ARID5A: variants seen among roughly 807,000 people sequenced by gnomAD.
ARID5A encodes the protein AT-rich interaction domain 5A, also known as AT-rich interactive domain-containing protein 5A.
A neutral mutation model predicts 30.5 loss-of-function variants in ARID5A; 14 were observed. The ratio of observed to expected loss-of-function variants is 0.46; its 90% CI spans 0.30 to 0.72. The LOEUF is 0.72. Among genes scored for constraint, ARID5A ranks in the 30% least tolerant of loss-of-function variants. ARID5A has a pLI of 0.07. For synonymous variants in ARID5A, 338 were observed against 340.4 expected, an observed-to-expected ratio of 0.99 and a Z score of 0.08; for missense variants, 669 against 786.2, an observed-to-expected ratio of 0.85 and a Z score of 1.78.
intron 1 of ARID5A, among the ~76,000 whole-genome samples, chr2:96,545,353 C>T (rs557156951): frequency 1.1e-4 from 16 of 151,832 alleles, no homozygotes; most frequent in African/African-American, 2.7e-4. Context: ...GACAGGGTTT[C>T]GCCACGTTGG....
At chr2:96,541,512 G>T (rs1019912068) in intron 1 of ARID5A, among the ~76,000 whole-genome samples, 29 of 152,198 alleles carry the variant, frequency 1.9e-4, no homozygotes, top group Admixed American at 1.6e-3. Context: ...TCCCAGATGT[G>T]TTCCTTATAA....
intron 1 of ARID5A, among the ~76,000 whole-genome samples, chr2:96,544,973 C>CT (rs2065901684): frequency 6.6e-6 from 1 of 152,122 alleles, no homozygotes; most frequent in East Asian, 1.9e-4. Context: ...GGAGAAGACA[C>CT]TGCAGATGCA....
rs1251129008 is a variant in ARID5A at position 96,549,329 on chromosome 2, C to T, written c.129C>T (p.Pro43=). Residue 43 remains proline (P), a synonymous_variant, in exon 3 of 7, where the codon CCC becomes CCT. Coordinates refer to ENST00000357485, the MANE Select transcript of ARID5A (RefSeq NM_212481.3). This position sits in a 1 kb window ranked among gnomAD's most constrained non-coding sequence, Gnocchi z 6.1. ...IQNPISLEDS[P]EAGGEREEEQ... ...TCCTGTTCTCTCCCCAGGACTCCCC[C>T]GAGGCAGGCGGGGAGCGGGAGGAGG... 10 of 1,613,070 alleles carry T rather than the reference C, an allele frequency of 6.2e-6. No individual in the cohort carries two copies. The highest frequency in any genetic ancestry group is 2.2e-5 in the East Asian group (1 of 44,888).
chr2:96,548,913 C>T (rs529345591), intron 2 of ARID5A, among the ~76,000 whole-genome samples: 6 of 152,324 alleles, frequency 3.9e-5, no homozygotes, highest in East Asian at 3.9e-4. Flanking sequence ...TTTCCCTCTG[C>T]GGTTATGGGG....
chr2:96,552,216 T>A lies in ARID5A; in HGVS notation c.1688T>A (p.Leu563His). The change falls in exon 7 of 7, where the codon CTC (leucine) becomes CAC (histidine). Residue 563 changes from leucine to histidine, a missense_variant. By Grantham distance (99) the Leu-to-His change is moderately conservative. Coordinates refer to ENST00000357485, the MANE Select transcript of ARID5A (RefSeq NM_212481.3). ...HFPPTSFDSA[L>H]RHRLCPASSA... Reference sequence around the variant, plus strand: ...CCCCCAACGTCCTTCGACAGTGCCCTCCGCCACAGACTTTGCCCGGCCTCA... The same window carrying A: ...CCCCCAACGTCCTTCGACAGTGCCCACCGCCACAGACTTTGCCCGGCCTCA... 1 of 1,613,440 alleles carries A rather than the reference T, an allele frequency of 6.2e-7. No individual in the cohort carries two copies. The highest frequency in any genetic ancestry group is 8.5e-7 in the Non-Finnish European group (1 of 1,179,982).
Position 96,551,752 on chromosome 2 carries a change from C to T in ARID5A, c.1224C>T (p.Ile408=). 1.3e-6 allele frequency: 2 copies of T among 1,526,710 alleles called. No individual in the cohort carries two copies. The highest frequency in any genetic ancestry group is 2.3e-5 in the East Asian group (1 of 44,064). The allele number at this position is 1,526,710 out of a possible 1,614,324, so 94.6% of individuals were successfully genotyped here. Reference sequence around the variant, plus strand: ...ATAAAGGTGGCTCCAGAAAGGGCATCCTCTACCCCAAGCCCAAAGCCTGCT... The same window carrying T: ...ATAAAGGTGGCTCCAGAAAGGGCATTCTCTACCCCAAGCCCAAAGCCTGCT... ...AFHKGGSRKG[I]LYPKPKACWV... The change falls in exon 7 of 7, where the codon ATC becomes ATT. Residue 408 remains isoleucine (I), a synonymous_variant. Transcript: ENST00000357485.
rs114655601 is a variant in ARID5A, at chr2:96,542,716, C to T, written c.5-4686C>T. Reference sequence around the variant, plus strand: ...TATTTTTCTGAAGCCCAAGGTGCAGCGACTTGCCAAGGGTCACATAGCAAG... The same window carrying T: ...TATTTTTCTGAAGCCCAAGGTGCAGTGACTTGCCAAGGGTCACATAGCAAG... On this transcript the variant is annotated intron_variant, in intron 1 of 6. Coordinates refer to ENST00000357485, the MANE Select transcript of ARID5A (RefSeq NM_212481.3). 6.4e-3 allele frequency among the ~76,000 whole-genome samples: 977 copies of T among 152,244 alleles called. 9 individuals carry two copies. The highest frequency in any genetic ancestry group is 9.4e-3 in the Non-Finnish European group (641 of 68,014).
intron 1 of ARID5A, chr2:96,538,453 C>A: frequency 3.8e-6 from 2 of 532,132 alleles, no homozygotes; most frequent in Non-Finnish European, 4.8e-6. Flanking sequence ...GTCTCTCTCG[C>A]CCTCCCCCAA....
chr2:96,549,198 G>A lies in ARID5A; in HGVS notation c.121-123G>A. 6.6e-7 allele frequency: 1 copy of A among 1,509,600 alleles called. No individual in the cohort carries two copies. The highest frequency in any genetic ancestry group is 8.9e-7 in the Non-Finnish European group (1 of 1,127,384). 93.5% of individuals were successfully genotyped at this position (1,509,600 alleles called of 1,614,324 possible). Reference sequence around the variant, plus strand: ...CTCCCTCCCAGAACAGTGGCTAGGTGTTCTCTGGGAAACTGGGGTTGGGGT... The same window carrying A: ...CTCCCTCCCAGAACAGTGGCTAGGTATTCTCTGGGAAACTGGGGTTGGGGT... On this transcript the variant is annotated intron_variant, in intron 2 of 6. Coordinates refer to ENST00000357485, the MANE Select transcript of ARID5A (RefSeq NM_212481.3). The surrounding 1 kb of genome is among the most constrained non-coding windows in gnomAD (Gnocchi z 6.1).
rs949851100 is a variant in ARID5A at position 96,536,752 on chromosome 2, A to G, written c.-75A>G. On this transcript the variant is annotated 5_prime_UTR_variant, in exon 1 of 7. Coordinates refer to ENST00000357485, the MANE Select transcript of ARID5A (RefSeq NM_212481.3). ...CCGGCGGGCCGCGCCGCGAGCCAGT[A>G]TCTCAGAGAGCGCGGGGTCCGGACA... The G allele has an allele frequency of 4.4e-6, 5 of 1,142,036 alleles. No homozygotes were observed. Among genetic ancestry groups the G allele is most frequent in the Non-Finnish European group, 4.3e-6 (4 of 931,034 alleles). 70.7% of individuals were successfully genotyped at this position (1,142,036 alleles called of 1,614,324 possible). A position where few individuals can be genotyped will look rare whatever the true frequency, so the allele number is the denominator to read the frequency against.
rs2065813602 is a variant in ARID5A, at chr2:96,539,783, G to T, written c.4+2953G>T. On this transcript the variant is annotated intron_variant, in intron 1 of 6. Transcript: ENST00000357485. The surrounding 1 kb of genome is among the most constrained non-coding windows in gnomAD (Gnocchi z 4.7). ...CAGCCCCCTCCCATCCCTGAGCCTG[G>T]ATGCCTTAGCAGTCAACACAGACCT... 6.6e-6 allele frequency among the ~76,000 whole-genome samples: 1 copy of T among 151,704 alleles called. No individual in the cohort carries two copies. Among genetic ancestry groups the T allele is most frequent in the South Asian group, 2.1e-4 (1 of 4,822 alleles).
In ARID5A at chr2:96,550,913, T is replaced by A. The variant is rs1379305200; in HGVS notation, c.570+180T>A. ...TGCAAGTGGACTCTGAACTCCAGCC[T>A]GCGCCCACCCACCAGGCACCTGAGG... On this transcript the variant is annotated intron_variant, in intron 6 of 6. Coordinates refer to ENST00000357485, the MANE Select transcript of ARID5A (RefSeq NM_212481.3). The surrounding 1 kb of genome is among the most constrained non-coding windows in gnomAD (Gnocchi z 6.6). 6.6e-6 allele frequency among the ~76,000 whole-genome samples: 1 copy of A among 152,146 alleles called. No individual in the cohort carries two copies. The highest frequency in any genetic ancestry group is 6.5e-5 in the Admixed American group (1 of 15,286).
rs764750028 is a variant in ARID5A at position 96,552,160 on chromosome 2, C to A, written c.1632C>A (p.Pro544=). 45 of 1,613,108 alleles carry A rather than the reference C, an allele frequency of 2.8e-5. No individual in the cohort carries two copies. The highest frequency in any genetic ancestry group is 3.7e-5 in the Non-Finnish European group (44 of 1,180,008). ...FPAHFLATAG[P]SPMAAGLMHF... ...CCCACTTCCTGGCCACCGCAGGCCC[C>A]TCGCCCATGGCCGCTGGCCTGATGC... Residue 544 remains proline (P), a synonymous_variant, in exon 7 of 7, where the codon CCC becomes CCA. Coordinates refer to ENST00000357485, the MANE Select transcript of ARID5A (RefSeq NM_212481.3).
In ARID5A at chr2:96,539,835, G is replaced by A. The variant is rs755252351; in HGVS notation, c.4+3005G>A. ...CTCTTGTTAGCAGAGTGACAGGAGCGATGTGCTGGGAAACTGCACATCTAC... is the reference window on the plus strand; with the variant it reads ...CTCTTGTTAGCAGAGTGACAGGAGCAATGTGCTGGGAAACTGCACATCTAC... On this transcript the variant is annotated intron_variant, in intron 1 of 6. Transcript: ENST00000357485. This position sits in a 1 kb window ranked among gnomAD's most constrained non-coding sequence, Gnocchi z 4.7. Among the ~76,000 whole-genome samples, 15 of 152,088 alleles carry A rather than the reference G, an allele frequency of 9.9e-5. No homozygotes were observed. Among genetic ancestry groups the A allele is most frequent in the Non-Finnish European group, 1.8e-4 (12 of 68,008 alleles).
rs1358169471 is a variant in ARID5A at position 96,550,691 on chromosome 2, C to T, written c.528C>T (p.Thr176=). ...AGAACAGGGGGGATGATGGGGCCAC[C>T]GAGAGGCCGAAGAAGGCCAAGGAGG... ...AKENRGDDGA[T]ERPKKAKEER... Residue 176 remains threonine, a synonymous_variant, in exon 6 of 7, where the codon ACC becomes ACT. Transcript: ENST00000357485. The surrounding 1 kb of genome is among the most constrained non-coding windows in gnomAD (Gnocchi z 6.6). The T allele has an allele frequency of 6.3e-6, 10 of 1,596,746 alleles. No homozygotes were observed. The highest frequency in any genetic ancestry group is 5.4e-5 in the African/African-American group (4 of 74,574).
chr2:96,537,804 C>A lies in ARID5A; in HGVS notation c.4+974C>A. 1 of 952,054 alleles carries A rather than the reference C, an allele frequency of 1.1e-6. No homozygotes were observed. Among genetic ancestry groups the A allele is most frequent in the Non-Finnish European group, 1.3e-6 (1 of 799,528 alleles). The allele number at this position is 952,054 out of a possible 1,614,324, so 59.0% of individuals were successfully genotyped here. ...TCCGCCCAGCGCCGGCGTGGTGGGG[C>A]TTGCGCGGTGCAGGACCCCCGAGGG... On this transcript the variant is annotated intron_variant, in intron 1 of 6. Coordinates refer to ENST00000357485, the MANE Select transcript of ARID5A (RefSeq NM_212481.3). This position sits in a 1 kb window ranked among gnomAD's most constrained non-coding sequence, Gnocchi z 4.8.
chr2:96,547,329 G>A, intron 1 of ARID5A, 73 bp from the exon 2 acceptor site: 1 of 1,301,478 alleles, frequency 7.7e-7, no homozygotes, highest in Non-Finnish European at 1.1e-6. Flanking sequence ...GAGTGCTCCT[G>A]TTCCTCCCTG....
rs764065143 is a variant in ARID5A, at chr2:96,551,336, G to A, written c.808G>A (p.Val270Met). 5.0e-6 allele frequency: 8 copies of A among 1,613,524 alleles called. No homozygotes were observed. Among genetic ancestry groups the A allele is most frequent in the Middle Eastern group, 1.7e-4 (1 of 6,052 alleles). ...KKKLLAQVSK[V>M]EALQCQEEGC... ...GAAGCTCCTGGCCCAGGTGAGCAAGGTGGAGGCCTTGCAGTGCCAGGAGGA... is the reference window on the plus strand; with the variant it reads ...GAAGCTCCTGGCCCAGGTGAGCAAGATGGAGGCCTTGCAGTGCCAGGAGGA... Residue 270 changes from valine to methionine, a missense_variant, in exon 7 of 7, where the codon GTG becomes ATG. Coordinates refer to ENST00000357485, the MANE Select transcript of ARID5A (RefSeq NM_212481.3).
At position 96,550,586 on chromosome 2, in the gene ARID5A, A is replaced by G. The variant is rs887148104; in HGVS notation, c.423A>G (p.Pro141=). 3.1e-6 allele frequency: 5 copies of G among 1,603,366 alleles called. No individual in the cohort carries two copies. The highest frequency in any genetic ancestry group is 4.3e-6 in the Non-Finnish European group (5 of 1,175,962). The change falls in exon 6 of 7, where the codon CCA becomes CCG. Residue 141 remains proline, a synonymous_variant. Transcript: ENST00000357485. The surrounding 1 kb of genome is among the most constrained non-coding windows in gnomAD (Gnocchi z 6.6). Reference sequence around the variant, plus strand: ...GGTTCCTCACCAGGCTGGTCCTGCCATACGTGCGGCACCTGAAGGGGGAGG... The same window carrying G: ...GGTTCCTCACCAGGCTGGTCCTGCCGTACGTGCGGCACCTGAAGGGGGAGG... The part of the protein sequence containing the change: ...TRRHYERLVL[P]YVRHLKGEDD...
Sources: gnomAD v4.1 joint callset for allele counts (sites outside exome capture counted in the v4.1 genomes callset) on GRCh38, gnomAD v4.1.1 for gene constraint, Gnocchi (gnomAD v3.1) non-coding constraint, MANE v1.5 for transcripts, NCBI Gene and HGNC (gene_info 2026-07-23, HGNC 2026-07-21) for gene names.